NAV1: variants seen among roughly 807,000 people sequenced by gnomAD.
NAV1 encodes neuron navigator 1.
A neutral mutation model predicts 175.2 loss-of-function variants in NAV1; 18 were observed. The ratio of observed to expected loss-of-function variants is 0.10; its 90% CI spans 0.07 to 0.15. The LOEUF is 0.15. Ranked by LOEUF, NAV1 falls within the 10% of genes least tolerant of loss-of-function variation. NAV1 has a pLI of 1.00. For missense variants in NAV1, 1,731 were observed against 2,436.6 expected (o/e 0.71, Z 6.10); for synonymous variants, 897 against 978.7 (o/e 0.92, Z 1.56).
At chr1:201,551,455 C>T (rs150926370) in intron 1 of NAV1, among the ~76,000 whole-genome samples, 5 of 152,174 alleles carry the variant, frequency 3.3e-5, no homozygotes, top group East Asian at 1.9e-4. Flanking sequence ...TCTGGAACTC[C>T]GAGGCTCAAG....
chr1:201,614,899 A>C (rs1201641255), intron 2 of NAV1, among the ~76,000 whole-genome samples: 1 of 152,246 alleles, frequency 6.6e-6, no homozygotes, highest in Non-Finnish European at 1.5e-5. Context: ...CAACTTATAG[A>C]ACAATTACAA....
In NAV1 at chr1:201,819,831, C is replaced by A; in HGVS notation, c.5539-6C>A. Reference sequence around the variant, plus strand: ...CTCATAAATCCATCTTTTTGCCCCCCTTTAGATGGCCATGCTGCTGAAACT... The same window carrying A: ...CTCATAAATCCATCTTTTTGCCCCCATTTAGATGGCCATGCTGCTGAAACT... On this transcript the variant is annotated splice_polypyrimidine_tract_variant and splice_region_variant and intron_variant, in intron 29 of 29. Transcript: ENST00000367296. 2 of 1,613,922 alleles carry A rather than the reference C, an allele frequency of 1.2e-6. No homozygotes were observed. Among genetic ancestry groups the A allele is most frequent in the Admixed American group, 1.7e-5 (1 of 60,004 alleles).
chr1:201,648,568 C>T, exon 1 of NAV1: 1 of 1,261,560 alleles, frequency 7.9e-7, no homozygotes, highest in Non-Finnish European at 9.9e-7. Flanking sequence ...CTCTCTCTCC[C>T]CCTCCTCCTC....
At chr1:201,713,816 T>C (rs1031170791) in intron 2 of NAV1, among the ~76,000 whole-genome samples, 1 of 152,100 alleles carries the variant, frequency 6.6e-6, no homozygotes, top group African/African-American at 2.4e-5. Context: ...AAGAGCAAAG[T>C]TGGGACACAG....
chr1:201,636,971 G>C (rs1192831041), intron 2 of NAV1, among the ~76,000 whole-genome samples: 1 of 152,198 alleles, frequency 6.6e-6, no homozygotes, highest in Non-Finnish European at 1.5e-5. Flanking sequence ...CATGGCATTG[G>C]AACTCCCACC....
At position 201,788,119 on chromosome 1, in the gene NAV1, T is replaced by G. The variant is rs150465795; in HGVS notation, c.2996-349T>G. 6.2e-3 allele frequency among the ~76,000 whole-genome samples: 947 copies of G among 152,274 alleles called. 8 individuals are homozygous for G. Among genetic ancestry groups the G allele is most frequent in the African/African-American group, 0.021 (888 of 41,554 alleles). ...TTTAGAGAACCACAGCATCTCATTT[T>G]CATCAGCACATCCGAGTGATGTGAA... is the stretch of plus-strand genomic sequence containing the variant. On this transcript the variant is annotated intron_variant, in intron 9 of 29. Transcript: ENST00000367296. This position sits in a 1 kb window ranked among gnomAD's most constrained non-coding sequence, Gnocchi z 5.7.
intron 3 of NAV1, chr1:201,725,053 G>A (rs1225057748): frequency 6.6e-6 from 1 of 152,216 alleles, no homozygotes; most frequent in African/African-American, 2.4e-5. Flanking sequence ...AGCCTCTGCA[G>A]CTACCCTCCT....
chr1:201,617,206 GTCTC>G lies in NAV1; in HGVS notation c.-32-5615_-32-5612del, dbSNP rs3054501. Among the ~76,000 whole-genome samples, 1,160 of 138,034 alleles carry G rather than the reference GTCTC, an allele frequency of 8.4e-3. 11 individuals carry two copies. Among genetic ancestry groups the G allele is most frequent in the East Asian group, 0.025 (117 of 4,636 alleles). 90.6% of individuals were successfully genotyped at this position (138,034 alleles called of 152,430 possible). On this transcript the variant is annotated intron_variant, in intron 2 of 33. Coordinates refer to the NAV1 transcript ENST00000685211. ...TCTGATAAGATTCCCCAATCTCTCT[GTCTC>G]TCTCTCTCTCTCTCTCTCTCTCTCT...
chr1:201,692,625 T>A (rs1671002562), intron 1 of NAV1, among the ~76,000 whole-genome samples: 1 of 152,178 alleles, frequency 6.6e-6, no homozygotes, highest in African/African-American at 2.4e-5. Context: ...GCACTGAGGC[T>A]GAGATATCAG....
chr1:201,781,884 G>A (rs1356375261), intron 5 of NAV1, among the ~76,000 whole-genome samples: 4 of 151,838 alleles, frequency 2.6e-5, no homozygotes, highest in African/African-American at 9.7e-5. Flanking sequence ...CTAGTTGTTA[G>A]ATGGATATTC....
exon 1 of NAV1, chr1:201,622,931 C>T (rs1194524699): frequency 3.0e-6 from 3 of 986,514 alleles, no homozygotes; most frequent in Non-Finnish European, 3.6e-6. Context: ...CCTCACTACG[C>T]CTCCGCCATC....
intron 1 of NAV1, among the ~76,000 whole-genome samples, chr1:201,692,689 G>A (rs925702957): frequency 6.6e-6 from 1 of 152,214 alleles, no homozygotes; most frequent in Non-Finnish European, 1.5e-5. Context: ...CTGGGAACAC[G>A]GCATGGAACA....
At chr1:201,642,666 C>CCCTCGCTCCTTCCTTCCCTTT (rs1668830955) in intron 2 of NAV1, among the ~76,000 whole-genome samples, 1 of 135,842 alleles carries the variant, frequency 7.4e-6, no homozygotes. Flanking sequence ...TCCTTCCCTT[C>CCCTCGCTCCTTCCTTCCCTTT]CTTCCCTCCC....
In NAV1 at chr1:201,564,983, C is replaced by T. The variant is rs373934282; in HGVS notation, c.-143-23556C>T. ...TTAAGGACTCATGTGATTAGATGGA[C>T]CCATTTGCATAATCCAAGATACCCT... is the stretch of plus-strand genomic sequence containing the variant. On this transcript the variant is annotated intron_variant, in intron 1 of 33. Coordinates refer to the NAV1 transcript ENST00000685211. Among the ~76,000 whole-genome samples the T allele has an allele frequency of 8.5e-5, 13 of 152,262 alleles. No homozygotes were observed. The East Asian group carries it at 1.7e-3, about 20-fold the overall frequency.
intron 1 of NAV1, among the ~76,000 whole-genome samples, chr1:201,663,762 T>C (rs1669704861): frequency 6.6e-6 from 1 of 152,042 alleles, no homozygotes; most frequent in South Asian, 2.1e-4. Flanking sequence ...GGGTATTGGG[T>C]TGTGGGGAGG....
In NAV1 at chr1:201,752,973, T is replaced by G. The variant is rs533991998; in HGVS notation, c.1227-27448T>G. On this transcript the variant is annotated intron_variant, in intron 3 of 29. Coordinates refer to ENST00000367296, the Ensembl canonical transcript of NAV1. ...AGTTTTGCACTGTTATTGGAAATCT[T>G]CACATTAGGAAAGAATGTAGGGGTA... 7.2e-5 allele frequency among the ~76,000 whole-genome samples: 11 copies of G among 152,242 alleles called. 1 individual carries two copies. The highest frequency in any genetic ancestry group is 2.1e-4 in the South Asian group (1 of 4,816).
intron 1 of NAV1, among the ~76,000 whole-genome samples, chr1:201,680,646 C>T (rs1333902221): frequency 6.6e-6 from 1 of 152,176 alleles, no homozygotes; most frequent in Non-Finnish European, 1.5e-5. Flanking sequence ...GACTCAAACC[C>T]CTCCCACCTC....
intron 1 of NAV1, among the ~76,000 whole-genome samples, chr1:201,686,061 C>T (rs1002362734): frequency 2.6e-5 from 4 of 152,214 alleles, no homozygotes; most frequent in East Asian, 3.8e-4. Flanking sequence ...ATTTCACACA[C>T]ATCTGAAGCT....
exon 30 of NAV1, chr1:201,823,236 G>A (rs1481135813): frequency 6.6e-6 from 1 of 152,652 alleles, no homozygotes; most frequent in Non-Finnish European, 1.5e-5. Flanking sequence ...TTCCTGAGCT[G>A]AGTCCCTTAA....
Sources: gnomAD v4.1 joint callset for allele counts (sites outside exome capture counted in the v4.1 genomes callset) on GRCh38, gnomAD v4.1.1 for gene constraint, Gnocchi (gnomAD v3.1) non-coding constraint, MANE v1.5 for transcripts, NCBI Gene and HGNC (gene_info 2026-07-23, HGNC 2026-07-21) for gene names.